SCN9A: variants seen among roughly 807,000 people sequenced by gnomAD.
The protein encoded by SCN9A is sodium channel protein type 9 subunit alpha.
SCN9A carries 131 observed loss-of-function variants against 187.0 expected under a neutral mutation model. The observed-to-expected ratio is 0.70, with a 90% CI of 0.61 to 0.81. SCN9A has a LOEUF of 0.81. Ranked by LOEUF, SCN9A falls within the 30% of genes least tolerant of loss-of-function variation. SCN9A has a pLI of 0.00. For missense variants in SCN9A, 2,252 were observed against 2,396.6 expected, an observed-to-expected ratio of 0.94 and a Z score of 1.26; for synonymous variants, 809 against 808.6, an observed-to-expected ratio of 1.00 and a Z score of -0.01.
intron 18 of SCN9A, among the ~76,000 whole-genome samples, chr2:166,249,564 T>G (rs1183482002): frequency 6.6e-6 from 1 of 152,088 alleles, no homozygotes; most frequent in Admixed American, 6.6e-5. Flanking sequence ...CCTCAGTAAA[T>G]TTCAATGGTC....
chr2:166,214,812 C>T (rs2106365053), intron 24 of SCN9A, among the ~76,000 whole-genome samples: 1 of 151,988 alleles, frequency 6.6e-6, no homozygotes, highest in East Asian at 2.0e-4. Flanking sequence ...CCGCGCCCGG[C>T]CACAATCTTT....
intron 1 of SCN9A, among the ~76,000 whole-genome samples, chr2:166,349,408 T>C (rs1056735103): frequency 2.0e-5 from 3 of 152,234 alleles, no homozygotes. Flanking sequence ...TAATGAGTTC[T>C]TTTTACTGTT....
At chr2:166,311,333 T>C (rs1375795066) in intron 2 of SCN9A, among the ~76,000 whole-genome samples, 166 bp downstream of exon 2, 1 of 34,434 alleles carries the variant, frequency 2.9e-5, no homozygotes, top group Non-Finnish European at 5.9e-5. Context: ...GAATATCCTA[T>C]ATATATATAT....
At chr2:166,266,891 C>T (rs942023572) in intron 17 of SCN9A, among the ~76,000 whole-genome samples, 1 of 151,572 alleles carries the variant, frequency 6.6e-6, no homozygotes. Flanking sequence ...TTGATTTTTG[C>T]ATGTTGATTT....
Position 166,284,775 on chromosome 2 carries a change from C to T in SCN9A, c.1652G>A (p.Arg551Lys). ...GSLFSARRSS[R>K]TSLFSFKGRG... ...GCCTTTGAAACTAAAAAGACTTGTT[C>T]TGCTGCTTCGCCTTGCAGAAAACAA... The change falls in exon 12 of 27, where the codon AGA (arginine) becomes AAA (lysine). Residue 551 changes from arginine to lysine, a missense_variant. Coordinates refer to ENST00000642356, the MANE Select transcript of SCN9A (RefSeq NM_001365536.1). 6.2e-7 allele frequency: 1 copy of T among 1,613,466 alleles called. No individual in the cohort carries two copies.
chr2:166,272,336 A>T (rs1161429748), intron 17 of SCN9A, 63 bp downstream of exon 17: 8 of 1,093,668 alleles, frequency 7.3e-6, no homozygotes, highest in Non-Finnish European at 1.0e-5. Flanking sequence ...TAGAAATATG[A>T]AATTTTCATT....
In SCN9A at chr2:166,269,219, C is replaced by T. The variant is rs535295588; in HGVS notation, c.3351+3180G>A. On this transcript the variant is annotated intron_variant, in intron 17 of 26. Transcript: ENST00000642356. ...TAGGGCACTAGATTTCATACGCTTT[C>T]GGAAGGGCTCATGGAATAAGTGACA... Among the ~76,000 whole-genome samples, 10 of 151,912 alleles carry T rather than the reference C, an allele frequency of 6.6e-5. No homozygotes were observed. The South Asian group carries it at 1.2e-3, about 19-fold the overall frequency.
At chr2:166,349,492 AT>A (rs1180523869) in intron 1 of SCN9A, among the ~76,000 whole-genome samples, 1 of 152,170 alleles carries the variant, frequency 6.6e-6, no homozygotes, top group Non-Finnish European at 1.5e-5. Context: ...TGTTTTACTA[AT>A]CTACTGTGTA....
intron 24 of SCN9A, among the ~76,000 whole-genome samples, chr2:166,222,863 G>A (rs1372475014): frequency 1.5e-5 from 2 of 137,314 alleles, no homozygotes; most frequent in African/African-American, 2.9e-5. Context: ...CCCGGGAGGC[G>A]GAGCTTGCAG....
rs116003710 is a variant in SCN9A at position 166,234,511 on chromosome 2, A to G, written c.3802-1049T>C. Among the ~76,000 whole-genome samples the G allele has an allele frequency of 4.5e-3, 679 of 152,324 alleles. 4 individuals carry two copies. The highest frequency in any genetic ancestry group is 0.016 in the African/African-American group (656 of 41,588). The stretch of plus-strand genomic sequence containing the variant: ...TCACAAAAAGTTCATTGCTGTTACC[A>G]TCAGAGACAGGTAAACTGACTGATG... On this transcript the variant is annotated intron_variant, in intron 20 of 26. Coordinates refer to ENST00000642356, the MANE Select transcript of SCN9A (RefSeq NM_001365536.1).
intron 10 of SCN9A, among the ~76,000 whole-genome samples, chr2:166,287,683 A>G (rs1018842454): frequency 1.3e-5 from 2 of 152,040 alleles, no homozygotes; most frequent in South Asian, 2.1e-4. Flanking sequence ...AGCCTTCTCA[A>G]ACATTTACAC....
rs2106460744 is a variant in SCN9A, at chr2:166,272,597, A to G, written c.3153T>C (p.Asn1051=). ...HTLAEMSKGH[N]FLKEKDKISG... ...TGATTTTATCTTTTTCCTTGAGGAAATTGTGACCTTTGCTCATTTCAGCAA... is the reference window on the plus strand; with the variant it reads ...TGATTTTATCTTTTTCCTTGAGGAAGTTGTGACCTTTGCTCATTTCAGCAA... Residue 1051 remains asparagine (N), a synonymous_variant, in exon 17 of 27, where the codon AAT becomes AAC. Coordinates refer to ENST00000642356, the MANE Select transcript of SCN9A (RefSeq NM_001365536.1). The G allele has an allele frequency of 3.1e-6, 5 of 1,613,430 alleles. No homozygotes were observed. Among genetic ancestry groups the G allele is most frequent in the South Asian group, 1.1e-5 (1 of 91,068 alleles).
At position 166,293,285 on chromosome 2, in the gene SCN9A, G is replaced by A. The variant is rs200684866; in HGVS notation, c.1053C>T (p.Phe351=). 6 of 1,599,730 alleles carry A rather than the reference G, an allele frequency of 3.8e-6. No individual in the cohort carries two copies. The highest frequency in any genetic ancestry group is 5.1e-6 in the Non-Finnish European group (6 of 1,172,276). Residue 351 remains phenylalanine (F), a synonymous_variant, in exon 9 of 27, where the codon TTC becomes TTT. Coordinates refer to ENST00000642356, the MANE Select transcript of SCN9A (RefSeq NM_001365536.1). ...GGGTCATTAGCCTAAACAAGGCTAA[G>A]AAGGCCCAGCTGAAAGTGTCAAAGC... ...YTSFDTFSWA[F]LALFRLMTQD... is the part of the protein sequence containing the mutation.
At chr2:166,307,098 G>T in intron 2 of SCN9A, 24 bp from the exon 3 acceptor site, 1 of 1,317,018 alleles carries the variant, frequency 7.6e-7, no homozygotes, top group Non-Finnish European at 1.1e-6. Context: ...AAGAAAGGAT[G>T]AAATTGAGAA....
At chr2:166,277,439 T>C in intron 15 of SCN9A, 100 bp from the exon 16 acceptor site, 1 of 686,078 alleles carries the variant, frequency 1.5e-6, no homozygotes. Context: ...CTTTAAGTCC[T>C]ATAATATTGT....
intron 26 of SCN9A, among the ~76,000 whole-genome samples, chr2:166,200,481 T>A (rs563527201): frequency 1.3e-5 from 2 of 152,212 alleles, no homozygotes; most frequent in South Asian, 4.1e-4. Context: ...ATTCAAGCAA[T>A]ACCGTTAAAT....
chr2:166,212,488 A>C (rs1163669093), intron 24 of SCN9A, among the ~76,000 whole-genome samples: 1 of 152,228 alleles, frequency 6.6e-6, no homozygotes, highest in Non-Finnish European at 1.5e-5. Context: ...TAAATACGTA[A>C]AGCAATCATT....
intron 24 of SCN9A, among the ~76,000 whole-genome samples, chr2:166,209,182 G>C (rs1261386073): frequency 3.3e-5 from 5 of 152,212 alleles, no homozygotes; most frequent in African/African-American, 1.2e-4. Flanking sequence ...CTTGGTGGCT[G>C]TTTTGTGTCC....
rs72364542 is a variant in SCN9A, at chr2:166,227,870, AT to A, written c.4207-148del. 1.4e-4 allele frequency: 85 copies of A among 617,224 alleles called. 1 individual carries two copies. Among genetic ancestry groups the A allele is most frequent in the African/African-American group, 1.3e-3 (69 of 52,302 alleles). The allele number at this position is 617,224 out of a possible 1,614,324, so 38.2% of individuals were successfully genotyped here. A position where few individuals can be genotyped will look rare whatever the true frequency, so the allele number is the denominator to read the frequency against. On this transcript the variant is annotated intron_variant, in intron 22 of 26. Coordinates refer to ENST00000642356, the MANE Select transcript of SCN9A (RefSeq NM_001365536.1). ...TTCAACATGTCCATTTAATGTAAAG[AT>A]TTTTTTAAAAAGGACATATTCCCAA...
Sources: allele counts gnomAD v4.1 joint callset (sites outside exome capture counted in the v4.1 genomes callset), GRCh38; gene constraint gnomAD v4.1.1; transcripts MANE v1.5; gene names NCBI Gene and HGNC (gene_info 2026-07-23, HGNC 2026-07-21).